Variants in PDE4D observed in about 807,000 individuals in gnomAD.
PDE4D encodes the protein 3',5'-cyclic-AMP phosphodiesterase 4D.
PDE4D carries 24 observed loss-of-function variants against 87.4 expected under a neutral mutation model. The observed-to-expected ratio is 0.27, with a 90% CI of 0.20 to 0.39. PDE4D has a LOEUF of 0.39. Among genes scored for constraint, PDE4D ranks in the 10% least tolerant of loss-of-function variants. The probability of loss-of-function intolerance (pLI) is 1.00; values close to 1 mark genes in which losing one functional copy is unlikely to be tolerated. For missense variants in PDE4D, 714 were observed against 1,041.0 expected (o/e 0.69, Z 4.32); for synonymous variants, 384 against 383.2 (o/e 1.00, Z -0.02).
rs980826880 is a variant in PDE4D, at chr5:59,428,195, T to A, written c.456-212227A>T. ...CTGTTTTCCAAGAAAAACATGCTGT[T>A]CTTTCAAGAAGTCATTATTTTATAA... On this transcript the variant is annotated intron_variant, in intron 1 of 14. Transcript: ENST00000340635. Among the ~76,000 whole-genome samples, 3 of 152,226 alleles carry A rather than the reference T, an allele frequency of 2.0e-5. No individual in the cohort carries two copies. In the East Asian group the frequency reaches 5.8e-4, roughly 29 times the overall value.
At chr5:60,402,701 T>C (rs1379228945) in intron 1 of PDE4D, among the ~76,000 whole-genome samples, 2 of 152,240 alleles carry the variant, frequency 1.3e-5, no homozygotes, top group Non-Finnish European at 2.9e-5. Flanking sequence ...CTGGCTTCAT[T>C]CCAGGTGATC....
chr5:60,495,166 A>G (rs1749745414), intron 1 of PDE4D, among the ~76,000 whole-genome samples: 1 of 152,350 alleles, frequency 6.6e-6, no homozygotes, highest in East Asian at 1.9e-4. Context: ...TACATTTGCA[A>G]TCACCAGCAA....
At chr5:59,401,653 T>G (rs1790674914) in intron 1 of PDE4D, among the ~76,000 whole-genome samples, 1 of 152,068 alleles carries the variant, frequency 6.6e-6, no homozygotes, top group Non-Finnish European at 1.5e-5. Flanking sequence ...GTGGGTTATT[T>G]GTCTCTTTCT....
chr5:60,221,311 T>C (rs1418220850), intron 1 of PDE4D, among the ~76,000 whole-genome samples: 2 of 152,110 alleles, frequency 1.3e-5, no homozygotes, highest in Non-Finnish European at 2.9e-5. Context: ...GAAGTGGAGA[T>C]TATAAATATA....
At position 59,868,949 on chromosome 5, in the gene PDE4D, T is replaced by C. The variant is rs189165748; in HGVS notation, c.455+24219A>G. 2.1e-3 allele frequency among the ~76,000 whole-genome samples: 321 copies of C among 152,316 alleles called. 4 individuals carry two copies. The highest frequency in any genetic ancestry group is 2.3e-3 in the East Asian group (12 of 5,196). On this transcript the variant is annotated intron_variant, in intron 1 of 14. Transcript: ENST00000340635. Reference sequence around the variant, plus strand: ...TCTGTAGAATGGGAAATGCAGCATCTAAGAAAGCATCTTTTGTAAGGGGCT... The same window carrying C: ...TCTGTAGAATGGGAAATGCAGCATCCAAGAAAGCATCTTTTGTAAGGGGCT...
At chr5:59,661,071 A>T (rs1162342009) in intron 1 of PDE4D, among the ~76,000 whole-genome samples, 2 of 63,452 alleles carry the variant, frequency 3.2e-5, no homozygotes, top group Non-Finnish European at 6.1e-5. Flanking sequence ...TTTCATGATA[A>T]TATTATATAT....
At chr5:59,294,870 T>G (rs1403979556) in intron 1 of PDE4D, among the ~76,000 whole-genome samples, 1 of 152,210 alleles carries the variant, frequency 6.6e-6, no homozygotes, top group African/African-American at 2.4e-5. Flanking sequence ...AACAGTTTAA[T>G]AGAATGCTCT....
At chr5:59,690,615 C>T (rs1017171291) in intron 1 of PDE4D, among the ~76,000 whole-genome samples, 16 of 152,060 alleles carry the variant, frequency 1.1e-4, no homozygotes, top group African/African-American at 3.9e-4. Context: ...CCATAAAAAC[C>T]CTACAAGAAA....
At chr5:60,059,040 ATGTGTGTGTG>A (rs70975363) in intron 2 of PDE4D, among the ~76,000 whole-genome samples, 8 of 142,420 alleles carry the variant, frequency 5.6e-5, no homozygotes, top group Admixed American at 2.1e-4. Flanking sequence ...GCATTGTCAT[ATGTGTGTGTG>A]TGTGTGTGTG....
intron 1 of PDE4D, among the ~76,000 whole-genome samples, chr5:59,816,172 G>C (rs1005336203): frequency 1.3e-5 from 2 of 152,212 alleles, no homozygotes; most frequent in Non-Finnish European, 2.9e-5. Flanking sequence ...GTTAGGCATT[G>C]TCTTAGGTAC....
chr5:59,564,301 A>T (rs294492), intron 1 of PDE4D, among the ~76,000 whole-genome samples: 1 of 152,038 alleles, frequency 6.6e-6, no homozygotes, highest in Non-Finnish European at 1.5e-5. Flanking sequence ...GAACAGCATA[A>T]AAAATGATCC....
At chr5:59,156,331 A>ATATATATATATATATGTGTGTG (rs1384479557) in intron 5 of PDE4D, among the ~76,000 whole-genome samples, 4 of 122,766 alleles carry the variant, frequency 3.3e-5, no homozygotes, top group African/African-American at 1.4e-4. Context: ...ATATATATAT[A>ATATATATATATATATGTGTGTG]TGTGTGTGTG....
At chr5:59,095,534 C>G (rs965195746) in intron 5 of PDE4D, among the ~76,000 whole-genome samples, 3 of 152,038 alleles carry the variant, frequency 2.0e-5, no homozygotes, top group African/African-American at 7.2e-5. Context: ...AATTAAATAG[C>G]TATGTATGCC....
intron 2 of PDE4D, among the ~76,000 whole-genome samples, chr5:60,119,814 G>A (rs1328772525): frequency 1.3e-5 from 2 of 152,146 alleles, no homozygotes; most frequent in African/African-American, 4.8e-5. Context: ...TAAAATACTA[G>A]GGGTACATTC....
intron 1 of PDE4D, among the ~76,000 whole-genome samples, chr5:60,373,428 C>T (rs73108618): frequency 0.12 from 18,923 of 152,088 alleles, 1,621 homozygotes; most frequent in African/African-American, 0.25. Context: ...GATGGGTTTT[C>T]TATTATGTTT....
intron 1 of PDE4D, among the ~76,000 whole-genome samples, chr5:59,414,271 G>A (rs1793209942): frequency 6.6e-6 from 1 of 152,176 alleles, no homozygotes. Context: ...AGGCAACTTG[G>A]CGGAAAACAG....
chr5:59,455,126 C>G (rs1215904289), intron 1 of PDE4D, among the ~76,000 whole-genome samples: 1 of 152,212 alleles, frequency 6.6e-6, no homozygotes, highest in African/African-American at 2.4e-5. Context: ...CTGCAGAAAT[C>G]TGCACAAGTA....
At chr5:60,320,422 A>G (rs139994220) in intron 1 of PDE4D, among the ~76,000 whole-genome samples, 2,857 of 152,158 alleles carry the variant, frequency 0.019, 75 homozygotes, top group African/African-American at 0.066. Flanking sequence ...CTGACCCCTT[A>G]TGCTTCCTGG....
intron 6 of PDE4D, among the ~76,000 whole-genome samples, chr5:59,010,787 GAGT>G (rs1731363663): frequency 6.6e-6 from 1 of 152,150 alleles, no homozygotes; most frequent in South Asian, 2.1e-4. Flanking sequence ...GCTTTGAAAA[GAGT>G]AGTGGATCTC....
Sources: allele counts gnomAD v4.1 joint callset (sites outside exome capture counted in the v4.1 genomes callset), GRCh38; gene constraint gnomAD v4.1.1; transcripts MANE v1.5; gene names NCBI Gene and HGNC (gene_info 2026-07-23, HGNC 2026-07-21).